The following ZCWPW2 variants were observed in gnomAD, a reference collection of about 807,000 sequenced individuals.
ZCWPW2 encodes the protein zinc finger CW-type and PWWP domain containing 2, also known as zinc finger CW-type PWWP domain protein 2.
In ZCWPW2, 45 loss-of-function variants were observed where a neutral mutation model predicts 46.6. The observed-to-expected ratio is 0.96, with a 90% CI of 0.76 to 1.24. ZCWPW2 has a LOEUF of 1.24. Among genes scored for constraint, ZCWPW2 ranks in the 50% most tolerant of loss-of-function variants. The pLI, the probability that ZCWPW2 is intolerant of heterozygous loss-of-function variation, is 0.00. For missense variants in ZCWPW2, 429 were observed against 403.9 expected (o/e 1.06, Z -0.53); for synonymous variants, 152 against 137.1 (o/e 1.11, Z -0.76).
At position 28,353,568 on chromosome 3, in the gene ZCWPW2, T is replaced by C. The variant is rs960524646; in HGVS notation, c.-134+4365T>C. Among the ~76,000 whole-genome samples, 5 of 152,260 alleles carry C rather than the reference T, an allele frequency of 3.3e-5. 1 individual carries two copies. The highest frequency in any genetic ancestry group is 3.3e-4 in the Admixed American group (5 of 15,292). On this transcript the variant is annotated intron_variant, in intron 1 of 9. Coordinates refer to ENST00000383768, the MANE Select transcript of ZCWPW2 (RefSeq NM_001040432.4). ...TCATTTATAAAAGAAATTATGACTT[T>C]GACTCCAGCAGAAAGTTGTGTCCTA...
chr3:28,422,047 A>T (rs549056881), intron 3 of ZCWPW2, among the ~76,000 whole-genome samples: 1 of 151,974 alleles, frequency 6.6e-6, no homozygotes, highest in African/African-American at 2.4e-5. Flanking sequence ...AATTGACTTT[A>T]TCTTTTAGAG....
At chr3:28,493,115 TTA>T in intron 6 of ZCWPW2, among the ~76,000 whole-genome samples, 1 of 144,420 alleles carries the variant, frequency 6.9e-6, no homozygotes. Context: ...TTTTTCTGGT[TTA>T]TCTTTATTTT....
At position 28,524,568 on chromosome 3, in the gene ZCWPW2, T is replaced by C; in HGVS notation, c.951T>C (p.Phe317=). 1 of 1,607,910 alleles carries C rather than the reference T, an allele frequency of 6.2e-7. No homozygotes were observed. The highest frequency in any genetic ancestry group is 8.5e-7 in the Non-Finnish European group (1 of 1,177,480). Reference sequence around the variant, plus strand: ...CAGAAGCTCCTGCAGGCAGTCTGTTTGAAAACCACTATGAAGAGGACTATC... The same window carrying C: ...CAGAAGCTCCTGCAGGCAGTCTGTTCGAAAACCACTATGAAGAGGACTATC... ...CSPEAPAGSL[F]ENHYEEDYLV... is the part of the protein sequence containing the mutation. The change falls in exon 10 of 10, where the codon TTT becomes TTC. Residue 317 remains phenylalanine (F), a synonymous_variant. Coordinates refer to ENST00000383768, the MANE Select transcript of ZCWPW2 (RefSeq NM_001040432.4).
At chr3:28,498,001 C>T (rs77471941) in intron 6 of ZCWPW2, among the ~76,000 whole-genome samples, 47 of 151,990 alleles carry the variant, frequency 3.1e-4, no homozygotes, top group East Asian at 2.1e-3. Context: ...TCTAATATCC[C>T]GTGAACTATA....
chr3:28,434,770 A>C (rs1171647489), intron 3 of ZCWPW2, among the ~76,000 whole-genome samples: 2 of 152,178 alleles, frequency 1.3e-5, no homozygotes, highest in African/African-American at 4.8e-5. Context: ...TCAGCTCTAC[A>C]TGAATTTGAG....
At chr3:28,390,070 CTT>C (rs1695424510) in intron 1 of ZCWPW2, among the ~76,000 whole-genome samples, 1 of 152,122 alleles carries the variant, frequency 6.6e-6, no homozygotes. Flanking sequence ...TAAAATTAAC[CTT>C]TTTTGACATC....
chr3:28,398,335 C>G lies in ZCWPW2; in HGVS notation c.-14+7718C>G, dbSNP rs575668966. 3 of 152,308 alleles carry G rather than the reference C, an allele frequency of 2.0e-5. No individual in the cohort carries two copies. The East Asian group carries it at 5.8e-4, about 29-fold the overall frequency. The allele number at this position is 152,308 out of a possible 1,614,324, so 9.4% of individuals were successfully genotyped here. A position where few individuals can be genotyped will look rare whatever the true frequency, so the allele number is the denominator to read the frequency against. On this transcript the variant is annotated intron_variant, in intron 2 of 9. Coordinates refer to ENST00000383768, the MANE Select transcript of ZCWPW2 (RefSeq NM_001040432.4). ...AATTACCTCCCAAAGTCCCCATCCT[C>G]AAATATAATCATCTTGGGGGTGGGA...
intron 9 of ZCWPW2, among the ~76,000 whole-genome samples, chr3:28,524,120 A>C (rs1250098667): frequency 2.0e-5 from 3 of 152,052 alleles, no homozygotes; most frequent in Middle Eastern, 3.2e-3. Context: ...AAGCAAGAGC[A>C]AATTATCACT....
At position 28,519,542 on chromosome 3, in the gene ZCWPW2, A is replaced by C. The variant is rs1462844293; in HGVS notation, c.785-1450A>C. ...ATGATTTTATTTAACATTATTTAAT[A>C]AGTACTTTAGCAGAATTTAAAATTT... On this transcript the variant is annotated intron_variant, in intron 8 of 9. Transcript: ENST00000383768. Among the ~76,000 whole-genome samples, 3 of 152,214 alleles carry C rather than the reference A, an allele frequency of 2.0e-5. No individual in the cohort carries two copies. In the East Asian group the frequency reaches 5.8e-4, roughly 29 times the overall value.
intron 2 of ZCWPW2, among the ~76,000 whole-genome samples, chr3:28,401,007 A>G (rs1015890253): frequency 1.3e-5 from 2 of 151,998 alleles, no homozygotes; most frequent in African/African-American, 2.4e-5. Context: ...GTGAAACCCC[A>G]TCTCTACTAA....
At chr3:28,471,700 C>G (rs1248645727) in intron 4 of ZCWPW2, among the ~76,000 whole-genome samples, 1 of 152,036 alleles carries the variant, frequency 6.6e-6, no homozygotes, top group Non-Finnish European at 1.5e-5. Context: ...CAAGGATGCC[C>G]ATTGTTATTC....
intron 2 of ZCWPW2, among the ~76,000 whole-genome samples, chr3:28,400,523 T>G (rs1020650494): frequency 7.9e-5 from 12 of 152,140 alleles, no homozygotes; most frequent in Non-Finnish European, 1.6e-4. Context: ...GGAAAGAATC[T>G]TAAGAGCTGT....
chr3:28,374,088 C>T (rs1187977030), intron 1 of ZCWPW2, among the ~76,000 whole-genome samples: 1 of 152,112 alleles, frequency 6.6e-6, no homozygotes, highest in Non-Finnish European at 1.5e-5. Context: ...TCAAGCATTT[C>T]CCTAATGTTT....
chr3:28,402,392 C>G (rs539301770), intron 2 of ZCWPW2, among the ~76,000 whole-genome samples: 2 of 151,918 alleles, frequency 1.3e-5, no homozygotes, highest in Admixed American at 6.6e-5. Flanking sequence ...TTAGATACCC[C>G]GAATAGACCA....
chr3:28,516,355 G>C (rs80217285), intron 8 of ZCWPW2, among the ~76,000 whole-genome samples: 4,220 of 152,186 alleles, frequency 0.028, 187 homozygotes, highest in African/African-American at 0.094. Flanking sequence ...TTTCAATCCA[G>C]ACTTCTTCAT....
intron 1 of ZCWPW2, among the ~76,000 whole-genome samples, chr3:28,385,402 G>C (rs544710878): frequency 6.6e-6 from 1 of 152,212 alleles, no homozygotes; most frequent in South Asian, 2.1e-4. Flanking sequence ...CTCATCCCCT[G>C]GCATGATCAG....
At chr3:28,433,423 G>A (rs763375424) in intron 3 of ZCWPW2, among the ~76,000 whole-genome samples, 6 of 152,062 alleles carry the variant, frequency 3.9e-5, no homozygotes, top group Non-Finnish European at 7.4e-5. Context: ...TTTATTAACA[G>A]TCTTCTTAAG....
At position 28,454,114 on chromosome 3, in the gene ZCWPW2, G is replaced by A. The variant is rs968810317; in HGVS notation, c.492+18845G>A. On this transcript the variant is annotated intron_variant, in intron 4 of 9. Transcript: ENST00000383768. ...CCGCCTCGGCCTCCCAAAGTGCTGG[G>A]ATTACAGGCGTGAGCCACCGCGCCC... is the stretch of plus-strand genomic sequence containing the variant. Among the ~76,000 whole-genome samples, 4 of 152,050 alleles carry A rather than the reference G, an allele frequency of 2.6e-5. No homozygotes were observed. In the South Asian group the frequency reaches 8.3e-4, roughly 31 times the overall value.
intron 9 of ZCWPW2, among the ~76,000 whole-genome samples, chr3:28,521,407 C>T (rs747704829): frequency 1.3e-5 from 2 of 152,040 alleles, no homozygotes; most frequent in African/African-American, 2.4e-5. Context: ...TGAAGTAGGC[C>T]ACTCCAGAGA....
Sources: allele counts gnomAD v4.1 joint callset (sites outside exome capture counted in the v4.1 genomes callset), GRCh38; gene constraint gnomAD v4.1.1; transcripts MANE v1.5; gene names NCBI Gene and HGNC (gene_info 2026-07-23, HGNC 2026-07-21).